LHFPL6: variants seen among roughly 807,000 people sequenced by gnomAD.
The protein encoded by LHFPL6 is LHFPL tetraspan subfamily member 6 protein.
Under a neutral mutation model 20.6 loss-of-function variants are expected in LHFPL6, and 9 were observed. The observed-to-expected ratio is 0.44, with a 90% CI of 0.26 to 0.76. LHFPL6 has a LOEUF of 0.76. Among genes scored for constraint, LHFPL6 ranks in the 30% least tolerant of loss-of-function variants. The pLI is 0.20. For synonymous variants in LHFPL6, 105 were observed against 98.7 expected (o/e 1.06, Z -0.38); for missense variants, 218 against 253.5 (o/e 0.86, Z 0.95).
At chr13:39,414,503 T>C (rs1000711700) in intron 2 of LHFPL6, among the ~76,000 whole-genome samples, 2 of 152,220 alleles carry the variant, frequency 1.3e-5, no homozygotes, top group African/African-American at 4.8e-5. Context: ...GGAGTCTTCA[T>C]GGTGGATTTG....
intron 3 of LHFPL6, among the ~76,000 whole-genome samples, chr13:39,351,070 C>A (rs1869557410): frequency 6.6e-6 from 1 of 152,088 alleles, no homozygotes; most frequent in South Asian, 2.1e-4. Context: ...TGGAGCCTAC[C>A]AAGTGTGACT....
chr13:39,449,383 C>T (rs1332520933), intron 2 of LHFPL6, among the ~76,000 whole-genome samples: 5 of 152,054 alleles, frequency 3.3e-5, no homozygotes, highest in Non-Finnish European at 2.9e-5. Flanking sequence ...CTCATTTGTC[C>T]TGGTCAAGGG....
chr13:39,580,364 A>G (rs530787302), intron 2 of LHFPL6, among the ~76,000 whole-genome samples: 74 of 152,338 alleles, frequency 4.9e-4, no homozygotes, highest in Middle Eastern at 3.4e-3. Context: ...GTGGAGGTCA[A>G]ATATATCTAG....
chr13:39,438,120 C>G (rs1872015496), intron 2 of LHFPL6, among the ~76,000 whole-genome samples: 1 of 152,118 alleles, frequency 6.6e-6, no homozygotes, highest in Non-Finnish European at 1.5e-5. Flanking sequence ...ACAGTGAAGT[C>G]CAGGCTGAGG....
chr13:39,498,011 A>G (rs1869156953), intron 2 of LHFPL6, among the ~76,000 whole-genome samples: 1 of 152,224 alleles, frequency 6.6e-6, no homozygotes, highest in Admixed American at 6.5e-5. Flanking sequence ...GCAGCGAACT[A>G]TGATAAATTA....
At chr13:39,455,635 C>T (rs1872551880) in intron 2 of LHFPL6, among the ~76,000 whole-genome samples, 1 of 152,188 alleles carries the variant, frequency 6.6e-6, no homozygotes, top group African/African-American at 2.4e-5. Context: ...AGGACAATAA[C>T]CTGATTTTAT....
At chr13:39,585,129 A>C (rs1185461964) in intron 2 of LHFPL6, among the ~76,000 whole-genome samples, 6 of 152,244 alleles carry the variant, frequency 3.9e-5, no homozygotes, top group African/African-American at 1.2e-4. Context: ...GGCAAACAGG[A>C]TAATCTCATC....
At chr13:39,470,594 A>C (rs189842704) in intron 2 of LHFPL6, among the ~76,000 whole-genome samples, 1 of 152,330 alleles carries the variant, frequency 6.6e-6, no homozygotes, top group East Asian at 1.9e-4. Flanking sequence ...CTTCTAACTT[A>C]CTAAGCAAAG....
chr13:39,440,882 G>A (rs1302176118), intron 2 of LHFPL6, among the ~76,000 whole-genome samples: 2 of 152,104 alleles, frequency 1.3e-5, no homozygotes, highest in Non-Finnish European at 2.9e-5. Context: ...AGTCTCACGA[G>A]GTCTGATGGT....
At chr13:39,382,198 G>C (rs1280751792) in intron 2 of LHFPL6, among the ~76,000 whole-genome samples, 7 of 152,060 alleles carry the variant, frequency 4.6e-5, no homozygotes, top group African/African-American at 1.7e-4. Flanking sequence ...CCTATACCAA[G>C]TTTCCCTTTA....
chr13:39,438,417 A>C (rs75624465), intron 2 of LHFPL6, among the ~76,000 whole-genome samples: 6,518 of 152,342 alleles, frequency 0.043, 180 homozygotes, highest in Non-Finnish European at 0.066. Context: ...AACAGAGCAT[A>C]AAAGTTTGGA....
chr13:39,463,623 G>A (rs1872736197), intron 2 of LHFPL6, among the ~76,000 whole-genome samples: 3 of 152,182 alleles, frequency 2.0e-5, no homozygotes, highest in Non-Finnish European at 4.4e-5. Context: ...TGTAGGTGTA[G>A]AGGCTCTACA....
At chr13:39,399,067 C>T (rs1870915742) in intron 2 of LHFPL6, among the ~76,000 whole-genome samples, 1 of 152,146 alleles carries the variant, frequency 6.6e-6, no homozygotes, top group Non-Finnish European at 1.5e-5. Context: ...TTTCCTAGTG[C>T]CTTCCTAGTG....
Position 39,448,453 on chromosome 13 carries a change from T to C in LHFPL6, c.386-69927A>G, listed in dbSNP as rs148394157. ...CGGGAACAAGGTTATCTAAAGAATCTAGCACATTGGCTAAATTATATAATT... is the reference window on the plus strand; with the variant it reads ...CGGGAACAAGGTTATCTAAAGAATCCAGCACATTGGCTAAATTATATAATT... On this transcript the variant is annotated intron_variant, in intron 2 of 3. Coordinates refer to ENST00000379589, the MANE Select transcript of LHFPL6 (RefSeq NM_005780.3). 2.4e-4 allele frequency among the ~76,000 whole-genome samples: 36 copies of C among 152,314 alleles called. No homozygotes were observed. The East Asian group carries it at 3.9e-3, about 16-fold the overall frequency.
chr13:39,442,658 T>G (rs575230401), intron 2 of LHFPL6, among the ~76,000 whole-genome samples: 2 of 152,342 alleles, frequency 1.3e-5, no homozygotes, highest in African/African-American at 4.8e-5. Flanking sequence ...GTGTATTGTA[T>G]TAATGAAAAT....
At chr13:39,404,605 C>A (rs1871072832) in intron 2 of LHFPL6, among the ~76,000 whole-genome samples, 1 of 152,174 alleles carries the variant, frequency 6.6e-6, no homozygotes, top group African/African-American at 2.4e-5. Context: ...TTTCATTGTG[C>A]ACCAAAGTTT....
At chr13:39,543,956 G>A (rs902628460) in intron 2 of LHFPL6, among the ~76,000 whole-genome samples, 4 of 152,186 alleles carry the variant, frequency 2.6e-5, no homozygotes, top group African/African-American at 9.7e-5. Context: ...TTTACCTACA[G>A]CTTCTTTAGC....
intron 2 of LHFPL6, among the ~76,000 whole-genome samples, chr13:39,418,823 C>T (rs568779997): frequency 3.3e-5 from 5 of 152,260 alleles, no homozygotes; most frequent in South Asian, 2.1e-4. Context: ...CATGAAATTT[C>T]TGCTGTGACC....
At chr13:39,387,228 T>C (rs1288038802) in intron 2 of LHFPL6, among the ~76,000 whole-genome samples, 1 of 152,180 alleles carries the variant, frequency 6.6e-6, no homozygotes, top group African/African-American at 2.4e-5. Context: ...ACACATGTTT[T>C]TGAAGTCCAG....
Sources: allele counts gnomAD v4.1 joint callset (sites outside exome capture counted in the v4.1 genomes callset), GRCh38; gene constraint gnomAD v4.1.1; transcripts MANE v1.5; gene names NCBI Gene and HGNC (gene_info 2026-07-23, HGNC 2026-07-21).